The following USH2A variants were observed in gnomAD, a reference collection of about 807,000 sequenced individuals.
USH2A encodes the protein usherin.
USH2A carries 443 observed loss-of-function variants against 538.9 expected under a neutral mutation model. The ratio of observed to expected loss-of-function variants is 0.82; its 90% CI spans 0.76 to 0.89. The LOEUF (loss-of-function observed/expected upper bound fraction) is 0.89. USH2A is among the 40% of genes least tolerant of loss of function. The pLI, the probability that USH2A is intolerant of heterozygous loss-of-function variation, is 0.00. For synonymous variants in USH2A, 2,413 were observed against 2,273.5 expected, an observed-to-expected ratio of 1.06 and a Z score of -1.75; for missense variants, 6,633 against 6,324.8, an observed-to-expected ratio of 1.05 and a Z score of -1.65.
chr1:216,131,907 T>A (rs2033384273), intron 21 of USH2A, among the ~76,000 whole-genome samples: 1 of 152,032 alleles, frequency 6.6e-6, no homozygotes, highest in African/African-American at 2.4e-5. Context: ...TTTTCTTTAA[T>A]CCTCCTAATA....
chr1:216,111,093 G>T (rs1273441773), intron 21 of USH2A, among the ~76,000 whole-genome samples: 1 of 152,078 alleles, frequency 6.6e-6, no homozygotes, highest in Non-Finnish European at 1.5e-5. Flanking sequence ...GGGCTCGTTG[G>T]CACACTTGTA....
intron 16 of USH2A, among the ~76,000 whole-genome samples, chr1:216,203,823 G>GTCATTGT (rs2035051897): frequency 6.6e-6 from 1 of 152,144 alleles, no homozygotes; most frequent in South Asian, 2.1e-4. Flanking sequence ...GGTGATAGAA[G>GTCATTGT]TCATTGTTAC....
At chr1:216,324,456 CA>C (rs1417233033) in intron 6 of USH2A, 104 bp from the exon 7 acceptor site, 1 of 1,107,582 alleles carries the variant, frequency 9.0e-7, no homozygotes, top group African/African-American at 1.6e-5. Context: ...CTCACTTCAT[CA>C]TAATTATAGT....
At chr1:216,397,450 G>A (rs2039229957) in intron 3 of USH2A, among the ~76,000 whole-genome samples, 1 of 152,198 alleles carries the variant, frequency 6.6e-6, no homozygotes, top group African/African-American at 2.4e-5. Flanking sequence ...TGACATATAA[G>A]CCAGTGGACT....
Position 216,089,086 on chromosome 1 carries a change from A to C in USH2A, c.4812T>G (p.Asp1604Glu). ...TAGCAATTATTTCATGCCATTTTCCATCACTATATTGTTTGCCATGATCAT... is the reference window on the plus strand; with the variant it reads ...TAGCAATTATTTCATGCCATTTTCCCTCACTATATTGTTTGCCATGATCAT... ...TTNDHGKQYS[D>E]GKWHEIIAIR... Residue 1604 changes from aspartate (D) to glutamate (E), a missense_variant, in exon 23 of 72, where the codon GAT becomes GAG. Coordinates refer to ENST00000307340, the MANE Select transcript of USH2A (RefSeq NM_206933.4). 1 of 1,613,482 alleles carries C rather than the reference A, an allele frequency of 6.2e-7. No individual in the cohort carries two copies. Among genetic ancestry groups the C allele is most frequent in the East Asian group, 2.2e-5 (1 of 44,824 alleles).
intron 44 of USH2A, 144 bp from the exon 45 acceptor site, chr1:215,846,177 TCTC>T (rs1278464420): frequency 7.8e-6 from 6 of 766,916 alleles, no homozygotes; most frequent in Admixed American, 2.5e-5. Flanking sequence ...GCTTATGAGA[TCTC>T]CTTTTTGGTG....
intron 9 of USH2A, among the ~76,000 whole-genome samples, chr1:216,320,475 C>A (rs1286694402): frequency 6.6e-6 from 1 of 152,172 alleles, no homozygotes; most frequent in African/African-American, 2.4e-5. Context: ...TTCAGAATGA[C>A]AGCAATTATA....
At chr1:216,217,608 G>A in intron 14 of USH2A, 58 bp from the exon 15 acceptor site, 1 of 1,592,460 alleles carries the variant, frequency 6.3e-7, no homozygotes, top group Non-Finnish European at 8.6e-7. Flanking sequence ...ATAATTCATA[G>A]TATAAGTTAC....
At chr1:216,382,408 A>G (rs1006067358) in intron 3 of USH2A, among the ~76,000 whole-genome samples, 4 of 152,214 alleles carry the variant, frequency 2.6e-5, no homozygotes, top group Non-Finnish European at 5.9e-5. Context: ...GATGGATACA[A>G]TTAAAGACTA....
chr1:216,063,206 A>G (rs2031241477), intron 30 of USH2A, among the ~76,000 whole-genome samples: 2 of 152,206 alleles, frequency 1.3e-5, no homozygotes, highest in Non-Finnish European at 2.9e-5. Flanking sequence ...ACCAACTGGC[A>G]AAACAGCTGC....
intron 37 of USH2A, among the ~76,000 whole-genome samples, chr1:215,954,935 C>G (rs1289849217): frequency 6.6e-6 from 1 of 152,082 alleles, no homozygotes; most frequent in Non-Finnish European, 1.5e-5. Context: ...TCCTCACATC[C>G]TTTACAAATG....
intron 4 of USH2A, among the ~76,000 whole-genome samples, chr1:216,336,164 A>C (rs79179162): frequency 2.0e-5 from 3 of 151,400 alleles, no homozygotes; most frequent in Admixed American, 2.0e-4. Context: ...AAGGACAAAA[A>C]CGTCATGATC....
At chr1:215,765,318 T>C (rs1235410077) in intron 56 of USH2A, among the ~76,000 whole-genome samples, 4 of 152,108 alleles carry the variant, frequency 2.6e-5, no homozygotes, top group Non-Finnish European at 5.9e-5. Flanking sequence ...AAACATTCTT[T>C]ATATAGAAAA....
intron 32 of USH2A, among the ~76,000 whole-genome samples, chr1:216,030,642 C>A (rs577543520): frequency 3.8e-5 from 5 of 132,530 alleles, no homozygotes; most frequent in Non-Finnish European, 8.0e-5. Context: ...ATAATATATA[C>A]GATATATATA....
At chr1:215,826,749 A>AT (rs959332455) in intron 47 of USH2A, among the ~76,000 whole-genome samples, 28 of 151,678 alleles carry the variant, frequency 1.8e-4, no homozygotes, top group South Asian at 6.3e-4. Context: ...AAAGTAAAGG[A>AT]TTTTTTTTTC....
At chr1:216,352,941 G>A (rs1046797691) in intron 4 of USH2A, among the ~76,000 whole-genome samples, 5 of 152,042 alleles carry the variant, frequency 3.3e-5, no homozygotes, top group Non-Finnish European at 5.9e-5. Context: ...ATGAATGAGG[G>A]AAATATGGAA....
intron 9 of USH2A, among the ~76,000 whole-genome samples, chr1:216,293,786 G>A (rs1055697580): frequency 3.9e-5 from 6 of 152,078 alleles, no homozygotes; most frequent in Non-Finnish European, 5.9e-5. Context: ...TGTGTAGTGC[G>A]CAATCACCAA....
intron 9 of USH2A, among the ~76,000 whole-genome samples, chr1:216,293,516 G>A (rs2037047860): frequency 6.6e-6 from 1 of 152,156 alleles, no homozygotes; most frequent in South Asian, 2.1e-4. Context: ...CTTATGTTAA[G>A]TTCACCTTCA....
rs568511527 is a variant in USH2A at position 216,066,545 on chromosome 1, C to T, written c.6049+3556G>A. The stretch of plus-strand genomic sequence containing the variant: ...CAAGCATTAAGCATAATGTTACACA[C>T]TTTACAGATATCCTGTAGGTAACTT... On this transcript the variant is annotated intron_variant, in intron 30 of 71. Transcript: ENST00000307340. Among the ~76,000 whole-genome samples the T allele has an allele frequency of 9.2e-5, 14 of 152,238 alleles. No individual in the cohort carries two copies. The South Asian group carries it at 2.3e-3, about 25-fold the overall frequency.
Sources: allele counts gnomAD v4.1 joint callset (sites outside exome capture counted in the v4.1 genomes callset), GRCh38; gene constraint gnomAD v4.1.1; transcripts MANE v1.5; gene names NCBI Gene and HGNC (gene_info 2026-07-23, HGNC 2026-07-21).